RYR3: variants seen among roughly 807,000 people sequenced by gnomAD.
RYR3 encodes ryanodine receptor 3.
RYR3 carries 207 observed loss-of-function variants against 584.3 expected under a neutral mutation model. That is an observed-to-expected ratio of 0.35 (90% CI 0.32 to 0.40). The LOEUF (loss-of-function observed/expected upper bound fraction) is 0.40, where lower values mean the gene tolerates loss of function less well. RYR3 is among the 10% of genes least tolerant of loss of function. The pLI, the probability that RYR3 is intolerant of heterozygous loss-of-function variation, is 1.00. For synonymous variants in RYR3, 2,416 were observed against 2,248.5 expected (o/e 1.07, Z -2.11); for missense variants, 5,616 against 6,089.2 (o/e 0.92, Z 2.59).
chr15:33,351,342 C>G (rs1186875280), intron 1 of RYR3, among the ~76,000 whole-genome samples: 9 of 152,234 alleles, frequency 5.9e-5, no homozygotes, highest in Non-Finnish European at 1.2e-4. Context: ...CAAGGAGGAA[C>G]TGGTACCATT....
At chr15:33,466,688 T>C (rs530572248) in intron 1 of RYR3, among the ~76,000 whole-genome samples, 7 of 152,354 alleles carry the variant, frequency 4.6e-5, no homozygotes, top group African/African-American at 1.2e-4. Flanking sequence ...GGGTCTATTG[T>C]AGAAGCAAAC....
chr15:33,815,635 G>GA (rs2152952205), intron 74 of RYR3, among the ~76,000 whole-genome samples: 1 of 152,296 alleles, frequency 6.6e-6, no homozygotes, highest in African/African-American at 2.4e-5. Context: ...TGCTATGGGT[G>GA]ATCTCTCTAG....
At chr15:33,648,043 A>G (rs1006069618) in intron 30 of RYR3, among the ~76,000 whole-genome samples, 2 of 150,874 alleles carry the variant, frequency 1.3e-5, no homozygotes, top group Non-Finnish European at 1.5e-5. Flanking sequence ...ACCCTTCTGT[A>G]AAGTTATCCA....
At chr15:33,582,333 C>A (rs1168286503) in intron 14 of RYR3, among the ~76,000 whole-genome samples, 2 of 152,148 alleles carry the variant, frequency 1.3e-5, no homozygotes, top group South Asian at 4.1e-4. Context: ...GTGTGTCCCA[C>A]TGAGAGGAAA....
At chr15:33,721,331 T>C (rs1234896005) in intron 43 of RYR3, among the ~76,000 whole-genome samples, 3 of 152,206 alleles carry the variant, frequency 2.0e-5, no homozygotes, top group African/African-American at 7.2e-5. Context: ...AGACGGCAGC[T>C]GCCACCTCAT....
At chr15:33,467,601 G>A (rs2048590890) in intron 1 of RYR3, 1 of 345,998 alleles carries the variant, frequency 2.9e-6, no homozygotes, top group Admixed American at 6.5e-5. Flanking sequence ...GAGATGACCT[G>A]TGACAATGTG....
At chr15:33,404,805 T>C (rs1595995705) in intron 1 of RYR3, among the ~76,000 whole-genome samples, 2 of 152,206 alleles carry the variant, frequency 1.3e-5, no homozygotes, top group African/African-American at 4.8e-5. Context: ...ACAGAATATA[T>C]TCCTTTCATT....
At chr15:33,349,106 CTTTTT>C (rs749996197) in intron 1 of RYR3, among the ~76,000 whole-genome samples, 1 of 113,556 alleles carries the variant, frequency 8.8e-6, no homozygotes, top group African/African-American at 3.3e-5. Context: ...TAGCTTGTGC[CTTTTT>C]TTTTTTTTTT....
chr15:33,644,348 C>T lies in RYR3; in HGVS notation c.3594C>T (p.Ile1198=), dbSNP rs1032258547. The change falls in exon 28 of 104, where the codon ATC becomes ATT. Residue 1198 remains isoleucine (I), a synonymous_variant. Coordinates refer to ENST00000634891, the MANE Select transcript of RYR3 (RefSeq NM_001036.6). ...VPICCLGLSQ[I]GRMNLGTDAS... is the part of the protein sequence containing the mutation. ...TCTGCTGTCTGGGTCTATCTCAGAT[C>T]GGCCGCATGAATCTCGGGACAGATG... is the stretch of plus-strand genomic sequence containing the variant. 5 of 1,612,640 alleles carry T rather than the reference C, an allele frequency of 3.1e-6. No homozygotes were observed. Among genetic ancestry groups the T allele is most frequent in the South Asian group, 1.1e-5 (1 of 90,622 alleles).
chr15:33,694,276 T>C (rs1446281821), intron 38 of RYR3, among the ~76,000 whole-genome samples: 3 of 152,022 alleles, frequency 2.0e-5, no homozygotes, highest in Non-Finnish European at 2.9e-5. Context: ...GACGGAGTCT[T>C]GGTCTGTCGC....
At position 33,810,528 on chromosome 15, in the gene RYR3, T is replaced by G. The variant is rs770348380; in HGVS notation, c.10076T>G (p.Leu3359Trp). ...ERKKTKRRGD[L>W]YSIQTSLIVA... ...AAGAAGACAAAGCGGCGGGGAGACTTGTATTCCATCCAGACCTCCCTCATC... is the reference window on the plus strand; with the variant it reads ...AAGAAGACAAAGCGGCGGGGAGACTGGTATTCCATCCAGACCTCCCTCATC... The change falls in exon 71 of 104, where the codon TTG becomes TGG. Residue 3359 changes from leucine (L) to tryptophan (W), a missense_variant. By Grantham distance (61) the Leu-to-Trp change is moderately conservative (BLOSUM62 -2). Around this residue, in one of 9 missense-constraint regions of RYR3, gnomAD observed 954 missense variants for 1,132.2 expected, o/e 0.84. Transcript: ENST00000634891. 1.2e-5 allele frequency: 19 copies of G among 1,613,978 alleles called. No homozygotes were observed. The highest frequency in any genetic ancestry group is 1.5e-5 in the Non-Finnish European group (18 of 1,179,880).
intron 2 of RYR3, among the ~76,000 whole-genome samples, chr15:33,495,638 A>G (rs1326010327): frequency 6.6e-6 from 1 of 152,078 alleles, no homozygotes; most frequent in African/African-American, 2.4e-5. Flanking sequence ...TTGTATTTCA[A>G]TTGACTCACC....
intron 1 of RYR3, among the ~76,000 whole-genome samples, chr15:33,387,528 T>C (rs2041690294): frequency 6.6e-6 from 1 of 152,164 alleles, no homozygotes; most frequent in East Asian, 1.9e-4. Context: ...GCCATCTTGA[T>C]GGGCATAAGG....
intron 62 of RYR3, among the ~76,000 whole-genome samples, chr15:33,770,232 C>T (rs187482356): frequency 2.0e-5 from 3 of 151,916 alleles, no homozygotes; most frequent in Admixed American, 2.0e-4. Context: ...ACTAAAAGAG[C>T]GTCCCAAAGA....
chr15:33,349,321 G>A (rs1013058670), intron 1 of RYR3, among the ~76,000 whole-genome samples: 2 of 152,012 alleles, frequency 1.3e-5, no homozygotes, highest in Non-Finnish European at 1.5e-5. Flanking sequence ...TAGATGTATG[G>A]TAAGAGCAGG....
chr15:33,859,460 C>A lies in RYR3; in HGVS notation c.14143-115C>A, dbSNP rs918531857. ...GAATACTGGCACCTCTGAAGAGTTC[C>A]CCTCTCGTGGCTTAGGGCTGCCACA... is the stretch of plus-strand genomic sequence containing the variant. On this transcript the variant is annotated intron_variant, in intron 99 of 103. Coordinates refer to ENST00000634891, the MANE Select transcript of RYR3 (RefSeq NM_001036.6). 5 of 1,116,332 alleles carry A rather than the reference C, an allele frequency of 4.5e-6. No homozygotes were observed. In the African/African-American group the frequency reaches 7.7e-5, roughly 17 times the overall value. 69.2% of individuals were successfully genotyped at this position (1,116,332 alleles called of 1,614,324 possible). A position where few individuals can be genotyped will look rare whatever the true frequency, so the allele number is the denominator to read the frequency against.
At chr15:33,749,230 C>T (rs1391010587) in intron 55 of RYR3, among the ~76,000 whole-genome samples, 1 of 152,156 alleles carries the variant, frequency 6.6e-6, no homozygotes, top group Non-Finnish European at 1.5e-5. Flanking sequence ...AACATAAGGA[C>T]AGCCCACACG....
chr15:33,736,388 T>G, intron 49 of RYR3, 63 bp downstream of exon 49: 1 of 1,104,586 alleles, frequency 9.1e-7, no homozygotes, highest in South Asian at 1.3e-5. Flanking sequence ...TTGTAATATG[T>G]GATGTCTTCA....
At chr15:33,339,188 G>A (rs74005180) in intron 1 of RYR3, among the ~76,000 whole-genome samples, 3,790 of 152,360 alleles carry the variant, frequency 0.025, 170 homozygotes, top group African/African-American at 0.087. Context: ...AGGCACTTAC[G>A]TGCTGGGCCG....
Sources: gnomAD v4.1 joint callset for allele counts (sites outside exome capture counted in the v4.1 genomes callset) on GRCh38, gnomAD v4.1.1 for gene constraint, gnomAD v4.1.1 regional missense constraint, MANE v1.5 for transcripts, NCBI Gene and HGNC (gene_info 2026-07-23, HGNC 2026-07-21) for gene names.